Variants in PDCD2 observed in about 807,000 individuals in gnomAD.
The protein encoded by PDCD2 is uS5 assembly chaperone PDCD2.
A neutral mutation model predicts 38.1 loss-of-function variants in PDCD2; 38 were observed. That is an observed-to-expected ratio of 1.00 (90% CI 0.77 to 1.31). The LOEUF is 1.31. Among genes scored for constraint, PDCD2 ranks in the 50% most tolerant of loss-of-function variants. PDCD2 has a pLI of 0.00. For missense variants in PDCD2, 473 were observed against 435.7 expected, an observed-to-expected ratio of 1.09 and a Z score of -0.76; for synonymous variants, 205 against 168.9, an observed-to-expected ratio of 1.21 and a Z score of -1.66.
intron 2 of PDCD2, 62 bp from the exon 3 acceptor site, chr6:170,583,250 G>A (rs1390961599): frequency 5.7e-6 from 7 of 1,236,188 alleles, no homozygotes; most frequent in Non-Finnish European, 8.0e-6. Flanking sequence ...CTAATAATTT[G>A]CTGTCTCTAA....
At chr6:170,580,486 G>A (rs531269449) in intron 3 of PDCD2, among the ~76,000 whole-genome samples, 16 of 152,212 alleles carry the variant, frequency 1.1e-4, no homozygotes, top group South Asian at 6.2e-4. Flanking sequence ...AGGCCGAGGC[G>A]GGCAGATCAC....
chr6:170,577,299 C>A lies in PDCD2; in HGVS notation c.*260G>T. On this transcript the variant is annotated 3_prime_UTR_variant, in exon 6 of 6. Coordinates refer to ENST00000541970, the MANE Select transcript of PDCD2 (RefSeq NM_002598.4). ...AAGAATAGGATCATACCATGAATAC[C>A]ACCTATAATGGTATGTCTGTTGTCA... is the stretch of plus-strand genomic sequence containing the variant. 3.0e-6 allele frequency: 1 copy of A among 336,664 alleles called. No individual in the cohort carries two copies. Among genetic ancestry groups the A allele is most frequent in the Non-Finnish European group, 5.5e-6 (1 of 182,226 alleles). The allele number at this position is 336,664 out of a possible 1,614,324, so 20.9% of individuals were successfully genotyped here. A position where few individuals can be genotyped will look rare whatever the true frequency, so the allele number is the denominator to read the frequency against.
intron 3 of PDCD2, chr6:170,582,103 C>T (rs1012519473): frequency 6.1e-5 from 94 of 1,529,180 alleles, no homozygotes; most frequent in African/African-American, 8.2e-5. Context: ...AACACACGCG[C>T]GGCCCCTTCC....
intron 1 of PDCD2, 160 bp downstream of exon 1, chr6:170,584,138 TG>T: frequency 1.3e-6 from 1 of 779,814 alleles, no homozygotes; most frequent in Non-Finnish European, 1.8e-6. Flanking sequence ...GAGCACATCC[TG>T]GAAGGGCCCG....
At chr6:170,583,911 C>A in intron 1 of PDCD2, 164 bp from the exon 2 acceptor site, 1 of 641,264 alleles carries the variant, frequency 1.6e-6, no homozygotes, top group East Asian at 2.8e-5. Flanking sequence ...TCGTCCGGTA[C>A]ACGCAACTGA....
intron 3 of PDCD2, chr6:170,582,715 T>C (rs761254972): frequency 1.1e-5 from 14 of 1,228,338 alleles, no homozygotes; most frequent in Non-Finnish European, 1.4e-5. Flanking sequence ...TAAGGGGCCC[T>C]TCTGCGTGCC....
Position 170,583,464 on chromosome 6 carries a change from G to A in PDCD2, c.526+41C>T, listed in dbSNP as rs1197886841. The stretch of plus-strand genomic sequence containing the variant: ...CCTGGAAATATCTGGGTTGACAAAG[G>A]CGATGAAACTGAACTGAGACTTAAA... On this transcript the variant is annotated intron_variant, in intron 2 of 5. Transcript: ENST00000541970. 3 of 1,574,270 alleles carry A rather than the reference G, an allele frequency of 1.9e-6. No homozygotes were observed. In the South Asian group the frequency reaches 3.4e-5, roughly 18 times the overall value.
intron 5 of PDCD2, chr6:170,578,529 T>G: frequency 1.5e-6 from 1 of 684,378 alleles, no homozygotes; most frequent in Admixed American, 2.2e-5. Context: ...GAAAGGAAGG[T>G]ATACATTATT....
intron 3 of PDCD2, chr6:170,582,370 G>A: frequency 1.3e-6 from 2 of 1,527,142 alleles, no homozygotes; most frequent in Non-Finnish European, 1.8e-6. Context: ...TTCATTTTGA[G>A]TCTATAAATC....
In PDCD2 at chr6:170,577,470, G is replaced by T. The variant is rs897826683; in HGVS notation, c.*89C>A. 3.7e-6 allele frequency: 4 copies of T among 1,094,336 alleles called. No individual in the cohort carries two copies. Among genetic ancestry groups the T allele is most frequent in the South Asian group, 1.5e-5 (1 of 67,082 alleles). 67.8% of individuals were successfully genotyped at this position (1,094,336 alleles called of 1,614,324 possible). On this transcript the variant is annotated 3_prime_UTR_variant, in exon 6 of 6. Transcript: ENST00000541970. The stretch of plus-strand genomic sequence containing the variant: ...TCAACATCTCTGCACCTCTATTTTT[G>T]GTATAAGTATTTCCTTAGGATAAAA...
Position 170,584,606 on chromosome 6 carries a change from G to T in PDCD2, c.-25C>A. The T allele has an allele frequency of 8.3e-7, 1 of 1,207,644 alleles. No homozygotes were observed. The highest frequency in any genetic ancestry group is 1.0e-6 in the Non-Finnish European group (1 of 957,858). 74.8% of individuals were successfully genotyped at this position (1,207,644 alleles called of 1,614,324 possible). On this transcript the variant is annotated 5_prime_UTR_variant, in exon 1 of 6. Coordinates refer to ENST00000541970, the MANE Select transcript of PDCD2 (RefSeq NM_002598.4). ...TGCGGGGCGCGGGCTGGCGTGGGGC[G>T]CAGCCCACAGCTGGGTCGGAAGGCG...
chr6:170,582,667 T>C (rs1270885299), intron 3 of PDCD2: 52 of 1,207,498 alleles, frequency 4.3e-5, no homozygotes, highest in Non-Finnish European at 5.3e-5. Flanking sequence ...ACTGACAAAA[T>C]TGTGTATCTA....
chr6:170,582,106 C>T, intron 3 of PDCD2: 1 of 1,530,470 alleles, frequency 6.5e-7, no homozygotes, highest in South Asian at 1.2e-5. Flanking sequence ...ACACGCGCGG[C>T]CCCTTCCAGG....
chr6:170,584,111 G>A (rs1302825545), intron 1 of PDCD2, 188 bp downstream of exon 1: 3 of 574,924 alleles, frequency 5.2e-6, no homozygotes, highest in Non-Finnish European at 8.1e-6. Flanking sequence ...ACAGTTAGAA[G>A]CTTATGTAGC....
At chr6:170,579,463 G>A (rs1026551201) in intron 4 of PDCD2, 1 of 155,846 alleles carries the variant, frequency 6.4e-6, no homozygotes, top group African/African-American at 2.4e-5. Context: ...AAAAGCATAT[G>A]CATTGCTAAA....
intron 5 of PDCD2, 168 bp downstream of exon 5, chr6:170,578,689 C>CCAGGGAACTAGCCCCAAGGTGAGG (rs1779513650): frequency 4.2e-6 from 3 of 706,762 alleles, no homozygotes; most frequent in African/African-American, 1.7e-5. Flanking sequence ...ACAGTTCCTT[C>CCAGGGAACTAGCCCCAAGGTGAGG]CAGGGAACTA....
At position 170,577,837 on chromosome 6, in the gene PDCD2, A is replaced by G. The variant is rs1045853400; in HGVS notation, c.877-120T>C. On this transcript the variant is annotated intron_variant, in intron 5 of 5. Coordinates refer to ENST00000541970, the MANE Select transcript of PDCD2 (RefSeq NM_002598.4). Reference sequence around the variant, plus strand: ...AATCCTCATACTACAAAGCAGGATTATAGACATTATACAATTAACATGTTT... The same window carrying G: ...AATCCTCATACTACAAAGCAGGATTGTAGACATTATACAATTAACATGTTT... The G allele has an allele frequency of 6.1e-6, 5 of 819,620 alleles. No individual in the cohort carries two copies. In the African/African-American group the frequency reaches 6.9e-5, roughly 11 times the overall value. 50.8% of individuals were successfully genotyped at this position (819,620 alleles called of 1,614,324 possible).
intron 5 of PDCD2, 94 bp downstream of exon 5, chr6:170,578,763 T>C (rs573951011): frequency 9.9e-5 from 81 of 816,310 alleles, no homozygotes; most frequent in Admixed American, 2.8e-4. Context: ...ACTGCCATGT[T>C]GACCCATGTG....
Position 170,584,363 on chromosome 6 carries a change from G to T in PDCD2, c.219C>A (p.Asp73Glu). 2 of 1,494,982 alleles carry T rather than the reference G, an allele frequency of 1.3e-6. No individual in the cohort carries two copies. The highest frequency in any genetic ancestry group is 1.8e-6 in the Non-Finnish European group (2 of 1,127,230). 92.6% of individuals were successfully genotyped at this position (1,494,982 alleles called of 1,614,324 possible). Residue 73 changes from aspartate to glutamate, a missense_variant, in exon 1 of 6, where the codon GAC (aspartate) becomes GAA (glutamate). Coordinates refer to ENST00000541970, the MANE Select transcript of PDCD2 (RefSeq NM_002598.4). ...QVYAPLPGRP[D>E]AFHRCIFLFC... ...AGAGGAAGATGCAGCGGTGGAAGGCGTCCGGGCGGCCAGGCAGCGGCGCAT... is the reference window on the plus strand; with the variant it reads ...AGAGGAAGATGCAGCGGTGGAAGGCTTCCGGGCGGCCAGGCAGCGGCGCAT...
Sources: allele counts gnomAD v4.1 joint callset (sites outside exome capture counted in the v4.1 genomes callset), GRCh38; gene constraint gnomAD v4.1.1; transcripts MANE v1.5; gene names NCBI Gene and HGNC (gene_info 2026-07-23, HGNC 2026-07-21).